The following TRAK1 variants were observed in gnomAD, a reference collection of about 807,000 sequenced individuals.
TRAK1 encodes trafficking kinesin protein 1.
A neutral mutation model predicts 92.1 loss-of-function variants in TRAK1; 33 were observed. That is an observed-to-expected ratio of 0.36 (90% CI 0.27 to 0.48). TRAK1 has a LOEUF of 0.48. TRAK1 is among the 20% of genes least tolerant of loss of function. TRAK1 has a pLI of 0.99. For missense variants in TRAK1, 1,123 were observed against 1,257.9 expected (o/e 0.89, Z 1.62); for synonymous variants, 521 against 517.3 (o/e 1.01, Z -0.10).
chr3:42,201,883 G>GACACACACACACACACACAC (rs56336064), intron 12 of TRAK1, among the ~76,000 whole-genome samples: 8 of 125,180 alleles, frequency 6.4e-5, no homozygotes, highest in East Asian at 5.1e-4. Flanking sequence ...CGGACAGACG[G>GACACACACACACACACACAC]ACACACACAC....
At chr3:42,215,144 T>A (rs1709527425) in intron 14 of TRAK1, among the ~76,000 whole-genome samples, 1 of 152,320 alleles carries the variant, frequency 6.6e-6, no homozygotes, top group East Asian at 1.9e-4. Context: ...CCTGAAAATA[T>A]CATGGGCAGA....
chr3:42,217,222 G>A, intron 14 of TRAK1: 2 of 984,382 alleles, frequency 2.0e-6, no homozygotes, highest in South Asian at 4.7e-5. Flanking sequence ...GTGACTCACT[G>A]TCTCTCTGTT....
upstream of TRAK1, among the ~76,000 whole-genome samples, chr3:42,088,822 TTTC>T (rs1253530847): frequency 2.6e-5 from 4 of 152,228 alleles, no homozygotes; most frequent in Admixed American, 6.5e-5. Context: ...AGTGGCTGCG[TTTC>T]TTCTTCTCCC....
intron 2 of TRAK1, among the ~76,000 whole-genome samples, chr3:42,147,608 G>A (rs1172634224): frequency 1.3e-5 from 2 of 152,124 alleles, no homozygotes; most frequent in African/African-American, 4.8e-5. Context: ...TTTTCCCTCC[G>A]GGACTTGAGG....
intron 10 of TRAK1, among the ~76,000 whole-genome samples, chr3:42,195,500 G>A (rs1030039532): frequency 3.3e-5 from 5 of 152,268 alleles, no homozygotes; most frequent in Middle Eastern, 3.4e-3. Flanking sequence ...GGATGGCTGC[G>A]TAAATGCTCG....
At chr3:42,112,783 G>A (rs890108816) in intron 1 of TRAK1, among the ~76,000 whole-genome samples, 1 of 148,362 alleles carries the variant, frequency 6.7e-6, no homozygotes, top group African/African-American at 2.5e-5. Context: ...TTGTTTGTTT[G>A]TTTTAAAGAG....
intron 14 of TRAK1, chr3:42,211,046 C>T (rs981155463): frequency 1.4e-5 from 14 of 985,360 alleles, no homozygotes; most frequent in Non-Finnish European, 1.7e-5. Context: ...TTTGTGGAGT[C>T]AGGGGGGAGA....
At chr3:42,116,367 A>G (rs1218549033) in intron 1 of TRAK1, among the ~76,000 whole-genome samples, 1 of 152,240 alleles carries the variant, frequency 6.6e-6, no homozygotes, top group African/African-American at 2.4e-5. Context: ...ATGGAAAGTA[A>G]TTACTAAGAC....
intron 1 of TRAK1, among the ~76,000 whole-genome samples, chr3:42,040,642 T>TA (rs1219236629): frequency 6.6e-6 from 1 of 152,060 alleles, no homozygotes; most frequent in Non-Finnish European, 1.5e-5. Flanking sequence ...CCCTTAGTTC[T>TA]AGTTCACTGA....
At chr3:42,017,586 C>A (rs1701573895) in intron 1 of TRAK1, among the ~76,000 whole-genome samples, 1 of 152,136 alleles carries the variant, frequency 6.6e-6, no homozygotes, top group Non-Finnish European at 1.5e-5. Flanking sequence ...TTGAAAAGTG[C>A]AAATTTTAGT....
At chr3:42,050,574 T>G (rs967019108) in intron 1 of TRAK1, among the ~76,000 whole-genome samples, 2 of 152,224 alleles carry the variant, frequency 1.3e-5, no homozygotes, top group African/African-American at 4.8e-5. Flanking sequence ...TGTCTAGCTG[T>G]TTTTTCATCT....
chr3:42,158,385 G>T (rs541772519), intron 2 of TRAK1, among the ~76,000 whole-genome samples: 1 of 152,094 alleles, frequency 6.6e-6, no homozygotes, highest in South Asian at 2.1e-4. Context: ...CCTTCTCAGG[G>T]GTTCAGAATA....
chr3:42,132,383 C>T (rs190183757), intron 2 of TRAK1, among the ~76,000 whole-genome samples: 12 of 151,690 alleles, frequency 7.9e-5, no homozygotes, highest in African/African-American at 2.4e-4. Flanking sequence ...CCCACCTCAG[C>T]CCCCCAGTAG....
intron 1 of TRAK1, among the ~76,000 whole-genome samples, chr3:42,031,489 C>T (rs2148892316): frequency 6.7e-6 from 1 of 148,366 alleles, no homozygotes; most frequent in South Asian, 2.3e-4. Context: ...AAAAAGTTAG[C>T]CAGGCATGGT....
chr3:42,077,562 A>C (rs1704215728), intron 1 of TRAK1, among the ~76,000 whole-genome samples: 1 of 152,214 alleles, frequency 6.6e-6, no homozygotes, highest in Non-Finnish European at 1.5e-5. Context: ...GTGTTGGGAT[A>C]CAGGCGTGAG....
intron 2 of TRAK1, among the ~76,000 whole-genome samples, chr3:42,137,290 G>A (rs1698073462): frequency 1.3e-5 from 2 of 152,136 alleles, no homozygotes; most frequent in Admixed American, 1.3e-4. Context: ...ATAACACATG[G>A]GTGAATACCC....
intron 1 of TRAK1, among the ~76,000 whole-genome samples, chr3:42,040,680 C>CTTTTTTT (rs569797970): frequency 7.0e-6 from 1 of 142,960 alleles, no homozygotes. Flanking sequence ...AGTACTACAC[C>CTTTTTTT]TTTTTTTTTT....
intron 3 of TRAK1, 141 bp from the exon 4 acceptor site, chr3:42,184,544 A>T: frequency 1.2e-6 from 1 of 852,112 alleles, no homozygotes; most frequent in Non-Finnish European, 1.9e-6. Context: ...ACAGGCATCA[A>T]ATGCTAACAC....
chr3:42,040,358 C>T (rs1049108173), intron 1 of TRAK1, among the ~76,000 whole-genome samples: 2 of 152,030 alleles, frequency 1.3e-5, no homozygotes. Flanking sequence ...GGCATTTTGC[C>T]CAGAGTTGGT....
Sources: allele counts gnomAD v4.1 joint callset (sites outside exome capture counted in the v4.1 genomes callset), GRCh38; gene constraint gnomAD v4.1.1; transcripts MANE v1.5; gene names NCBI Gene and HGNC (gene_info 2026-07-23, HGNC 2026-07-21).